The following CEP290 variants were observed in gnomAD, a reference collection of about 807,000 sequenced individuals.
The protein encoded by CEP290 is centrosomal protein 290.
In CEP290, 317 loss-of-function variants were observed where a neutral mutation model predicts 344.9. The ratio of observed to expected loss-of-function variants is 0.92; its 90% CI spans 0.84 to 1.01. CEP290 has a LOEUF of 1.01. Among genes scored for constraint, CEP290 ranks in the 50% least tolerant of loss-of-function variants. CEP290 has a pLI of 0.00. For missense variants in CEP290, 2,754 were observed against 2,761.4 expected (o/e 1.00, Z 0.06); for synonymous variants, 932 against 895.8 (o/e 1.04, Z -0.72).
chr12:88,069,176 T>G (rs2035176731), intron 43 of CEP290, among the ~76,000 whole-genome samples: 1 of 152,126 alleles, frequency 6.6e-6, no homozygotes, highest in Admixed American at 6.6e-5. Context: ...TTTACTTAGG[T>G]AAATACAAAT....
chr12:88,139,532 T>C lies in CEP290; in HGVS notation c.213A>G (p.Glu71=). 6.3e-7 allele frequency: 1 copy of C among 1,597,570 alleles called. No homozygotes were observed. Among genetic ancestry groups the C allele is most frequent in the African/African-American group, 1.3e-5 (1 of 74,368 alleles). ...GTTCTTCTCCAGCTTTTTCTACTTC[T>C]TCCAAAGCCAGCTCCACTTCTTGAG... The part of the protein sequence containing the change: ...MKAQEVELAL[E]EVEKAGEEQA... Residue 71 remains glutamate (E), a synonymous_variant, in exon 4 of 54, where the codon GAA becomes GAG. Coordinates refer to ENST00000552810, the MANE Select transcript of CEP290 (RefSeq NM_025114.4).
At chr12:88,141,458 G>T in intron 1 of CEP290, 124 bp from the exon 2 acceptor site, 1 of 471,644 alleles carries the variant, frequency 2.1e-6, no homozygotes. Context: ...CAGACAATTG[G>T]GCCACAAAAT....
At chr12:88,112,087 T>C (rs1244355516) in intron 20 of CEP290, among the ~76,000 whole-genome samples, 1 of 152,136 alleles carries the variant, frequency 6.6e-6, no homozygotes, top group African/African-American at 2.4e-5. Flanking sequence ...AACACCTAGC[T>C]AATCTTAATA....
intron 23 of CEP290, 107 bp from the exon 24 acceptor site, chr12:88,107,205 GTATC>G: frequency 1.6e-6 from 1 of 612,316 alleles, no homozygotes; most frequent in African/African-American, 1.9e-5. Flanking sequence ...AACACAAGAG[GTATC>G]ATAGCTATTC....
At chr12:88,057,549 G>A (rs1565788149) in intron 49 of CEP290, among the ~76,000 whole-genome samples, 1 of 152,130 alleles carries the variant, frequency 6.6e-6, no homozygotes, top group Non-Finnish European at 1.5e-5. Context: ...CATCACATTT[G>A]TTATTTGTTC....
chr12:88,050,523 A>G (rs755471289), intron 52 of CEP290, 90 bp from the exon 53 acceptor site: 4 of 601,472 alleles, frequency 6.7e-6, no homozygotes, highest in East Asian at 3.0e-5. Flanking sequence ...ACAGAGATAC[A>G]TTTTATGAAA....
intron 38 of CEP290, 24 bp from the exon 39 acceptor site, chr12:88,079,253 T>C (rs762589613): frequency 1.1e-5 from 17 of 1,548,470 alleles, no homozygotes; most frequent in African/African-American, 2.8e-5. Context: ...AAAAAAAAAA[T>C]GTAATTTTTA....
Position 88,115,129 on chromosome 12 carries a change from A to G in CEP290, c.1878T>C (p.Ser626=). The G allele has an allele frequency of 1.3e-6, 2 of 1,489,952 alleles. No individual in the cohort carries two copies. Among genetic ancestry groups the G allele is most frequent in the African/African-American group, 2.8e-5 (2 of 71,214 alleles). The allele number at this position is 1,489,952 out of a possible 1,614,324, so 92.3% of individuals were successfully genotyped here. A position where few individuals can be genotyped will look rare whatever the true frequency, so the allele number is the denominator to read the frequency against. ...LIEKERDLER[S]RTVIAKFQNK... ...TCTGAAATTTGGCTATCACTGTCCT[A>G]CTCCTTTCTAAATCTCTTTCTTTTT... Residue 626 remains serine, a synonymous_variant, in exon 19 of 54, where the codon AGT becomes AGC. Coordinates refer to ENST00000552810, the MANE Select transcript of CEP290 (RefSeq NM_025114.4).
intron 31 of CEP290, 38 bp from the exon 32 acceptor site, chr12:88,087,982 A>G (rs537450429): frequency 2.1e-5 from 17 of 824,186 alleles, no homozygotes; most frequent in African/African-American, 8.9e-5. Flanking sequence ...TATAAATGCT[A>G]TATTAACAAA....
At chr12:88,113,155 G>A (rs899244983) in intron 20 of CEP290, among the ~76,000 whole-genome samples, 1 of 152,080 alleles carries the variant, frequency 6.6e-6, no homozygotes, top group Non-Finnish European at 1.5e-5. Flanking sequence ...GTGGCTTCAG[G>A]AAGGTCCAGA....
chr12:88,085,783 AC>A (rs1326709932), intron 34 of CEP290, among the ~76,000 whole-genome samples: 1 of 152,182 alleles, frequency 6.6e-6, no homozygotes, highest in Admixed American at 6.5e-5. Context: ...TCATAGAACT[AC>A]AATTAAATGC....
chr12:88,123,467 CAAT>C (rs1188435050), intron 13 of CEP290, among the ~76,000 whole-genome samples: 2 of 152,090 alleles, frequency 1.3e-5, no homozygotes, highest in African/African-American at 4.8e-5. Flanking sequence ...CTATCAGCAG[CAAT>C]GAACACAGCT....
chr12:88,123,734 T>C (rs1183490775), intron 13 of CEP290, among the ~76,000 whole-genome samples: 5 of 152,118 alleles, frequency 3.3e-5, no homozygotes, highest in African/African-American at 1.2e-4. Context: ...AACATATCTT[T>C]AGCCTAGATT....
rs749010290 is a variant in CEP290, at chr12:88,090,778, ATTG to A, written c.3520_3522del (p.Gln1174del). 1.4e-5 allele frequency: 22 copies of A among 1,563,472 alleles called. No homozygotes were observed. The African/African-American group carries it at 2.7e-4, about 19-fold the overall frequency. On this transcript the variant is annotated inframe_deletion, in exon 30 of 54. Coordinates refer to ENST00000552810, the MANE Select transcript of CEP290 (RefSeq NM_025114.4). ...AGGGACTCTACTTCCTTGTCCCTAG[ATTG>A]TTGTTGTGCATTCAAAATTTCAACT...
At chr12:88,115,664 T>C (rs2038995741) in intron 18 of CEP290, 2 of 1,011,420 alleles carry the variant, frequency 2.0e-6, no homozygotes, top group South Asian at 1.7e-5. Flanking sequence ...ATAACTGATG[T>C]TAAAGTGCAA....
At chr12:88,072,098 C>G (rs551104781) in intron 41 of CEP290, among the ~76,000 whole-genome samples, 172 bp from the exon 42 acceptor site, 1 of 152,156 alleles carries the variant, frequency 6.6e-6, no homozygotes, top group Non-Finnish European at 1.5e-5. Flanking sequence ...ACGCTTGGAA[C>G]CAGCCGTGTT....
intron 11 of CEP290, among the ~76,000 whole-genome samples, chr12:88,127,618 C>T (rs564093888): frequency 2.5e-4 from 38 of 152,012 alleles, no homozygotes; most frequent in African/African-American, 8.4e-4. Context: ...TTTAACTAAG[C>T]ATAAAAAGAA....
intron 39 of CEP290, among the ~76,000 whole-genome samples, chr12:88,078,628 G>A (rs999879734): frequency 1.3e-5 from 2 of 152,042 alleles, no homozygotes; most frequent in Non-Finnish European, 2.9e-5. Context: ...TAAACACACA[G>A]AGTGTAAAAT....
intron 18 of CEP290, chr12:88,115,974 T>C (rs2039014055): frequency 1.0e-6 from 1 of 984,978 alleles, no homozygotes; most frequent in Non-Finnish European, 1.2e-6. Context: ...TACTTGGGAA[T>C]GAACCTGTTC....
Sources: allele counts gnomAD v4.1 joint callset (sites outside exome capture counted in the v4.1 genomes callset), GRCh38; gene constraint gnomAD v4.1.1; transcripts MANE v1.5; gene names NCBI Gene and HGNC (gene_info 2026-07-23, HGNC 2026-07-21).